KIRREL1: variants seen among roughly 807,000 people sequenced by gnomAD.
KIRREL1 encodes the protein kin of IRRE-like protein 1.
In KIRREL1, 25 loss-of-function variants were observed where a neutral mutation model predicts 83.3. The ratio of observed to expected loss-of-function variants is 0.30; its 90% CI spans 0.22 to 0.42. The LOEUF (loss-of-function observed/expected upper bound fraction) is 0.42. Among genes scored for constraint, KIRREL1 ranks in the 10% least tolerant of loss-of-function variants. The pLI is 1.00. For synonymous variants in KIRREL1, 388 were observed against 410.4 expected, an observed-to-expected ratio of 0.95 and a Z score of 0.66; for missense variants, 812 against 1,032.3, an observed-to-expected ratio of 0.79 and a Z score of 2.92.
intron 1 of KIRREL1, among the ~76,000 whole-genome samples, chr1:158,059,682 A>G (rs1300917867): frequency 6.6e-6 from 1 of 152,168 alleles, no homozygotes; most frequent in Non-Finnish European, 1.5e-5. Context: ...CAGTATGAGC[A>G]TCAGGGTAGG....
In KIRREL1 at chr1:158,088,186, G is replaced by T. The variant is rs201984495; in HGVS notation, c.916+32G>T. 9.3e-6 allele frequency: 15 copies of T among 1,614,026 alleles called. No homozygotes were observed. The Admixed American group carries it at 1.5e-4, about 16-fold the overall frequency. On this transcript the variant is annotated intron_variant, in intron 7 of 14. Transcript: ENST00000359209. ...AGCTGGGAGGGCAGGGACGGGGACA[G>T]AGAGCAGGGGCCCCCAAAGGGCCTT...
chr1:158,073,555 G>C (rs753081723), intron 1 of KIRREL1, among the ~76,000 whole-genome samples: 1 of 152,074 alleles, frequency 6.6e-6, no homozygotes, highest in Non-Finnish European at 1.5e-5. Flanking sequence ...CAAATAACTT[G>C]GCCAAGGTCA....
chr1:158,047,736 C>T (rs1660812306), intron 1 of KIRREL1, among the ~76,000 whole-genome samples: 1 of 152,092 alleles, frequency 6.6e-6, no homozygotes, highest in Admixed American at 6.6e-5. Context: ...GGAGCTGGGG[C>T]CAGAACCCGG....
In KIRREL1 at chr1:158,011,633, G is replaced by C. The variant is rs528739924; in HGVS notation, c.52+17905G>C. Among the ~76,000 whole-genome samples, 11 of 152,316 alleles carry C rather than the reference G, an allele frequency of 7.2e-5. No homozygotes were observed. In the South Asian group the frequency reaches 2.3e-3, roughly 32 times the overall value. Reference sequence around the variant, plus strand: ...CTGGTTGGCAGTGGGTGAAGCTCCTGGACACAGGTGGCTGGGAGATGGGAT... The same window carrying C: ...CTGGTTGGCAGTGGGTGAAGCTCCTCGACACAGGTGGCTGGGAGATGGGAT... On this transcript the variant is annotated intron_variant, in intron 1 of 14. Transcript: ENST00000359209.
intron 10 of KIRREL1, 95 bp from the exon 11 acceptor site, chr1:158,091,263 G>C (rs902046194): frequency 2.5e-5 from 29 of 1,142,072 alleles, no homozygotes; most frequent in Non-Finnish European, 3.2e-5. Context: ...GGCACATAGG[G>C]GTGAGGGTGC....
At chr1:158,002,199 T>A (rs1659379995) in intron 1 of KIRREL1, among the ~76,000 whole-genome samples, 1 of 152,208 alleles carries the variant, frequency 6.6e-6, no homozygotes, top group African/African-American at 2.4e-5. Flanking sequence ...TAAAGATGCC[T>A]GGAGGCAGAG....
Position 158,096,776 on chromosome 1 carries a change from A to G in KIRREL1, c.*1656A>G. ...CCCCAGCCTCGCCTTCCTAAAAAGCAGTGTCTGGAGTTGGCTGTTTCCCGC... is the reference window on the plus strand; with the variant it reads ...CCCCAGCCTCGCCTTCCTAAAAAGCGGTGTCTGGAGTTGGCTGTTTCCCGC... On this transcript the variant is annotated 3_prime_UTR_variant, in exon 15 of 15. Coordinates refer to ENST00000359209, the MANE Select transcript of KIRREL1 (RefSeq NM_018240.7). The G allele has an allele frequency of 2.2e-6, 1 of 456,718 alleles. No individual in the cohort carries two copies. Among genetic ancestry groups the G allele is most frequent in the Non-Finnish European group, 4.4e-6 (1 of 226,974 alleles). The allele number at this position is 456,718 out of a possible 1,614,324, so 28.3% of individuals were successfully genotyped here.
intron 1 of KIRREL1, among the ~76,000 whole-genome samples, chr1:158,062,995 C>T (rs1236153244): frequency 1.3e-5 from 2 of 152,206 alleles, no homozygotes; most frequent in African/African-American, 4.8e-5. Context: ...TATTTATGTG[C>T]CTGAAACCCA....
chr1:158,015,067 G>C (rs1571537295), intron 1 of KIRREL1, among the ~76,000 whole-genome samples: 2 of 152,156 alleles, frequency 1.3e-5, no homozygotes, highest in South Asian at 2.1e-4. Context: ...TTTTTTTATT[G>C]CCAAAGTACT....
At chr1:158,022,676 G>A (rs1216642188) in intron 1 of KIRREL1, among the ~76,000 whole-genome samples, 1 of 152,142 alleles carries the variant, frequency 6.6e-6, no homozygotes, top group East Asian at 1.9e-4. Context: ...TGAAATCCAG[G>A]CCCTGAGATT....
rs151008531 is a variant in KIRREL1 at position 158,032,750 on chromosome 1, G to A, written c.52+39022G>A. Among the ~76,000 whole-genome samples, 742 of 152,072 alleles carry A rather than the reference G, an allele frequency of 4.9e-3. 8 individuals carry two copies. Among genetic ancestry groups the A allele is most frequent in the African/African-American group, 0.017 (703 of 41,486 alleles). On this transcript the variant is annotated intron_variant, in intron 1 of 14. Transcript: ENST00000359209. ...ATAAATCATTCCCAGCCTGTGATGG[G>A]GAATCCCCACTTTCTTTTTCTTTTT...
chr1:158,045,087 G>A (rs1660739071), intron 1 of KIRREL1, among the ~76,000 whole-genome samples: 1 of 152,224 alleles, frequency 6.6e-6, no homozygotes, highest in Non-Finnish European at 1.5e-5. Flanking sequence ...GAACAGCAGA[G>A]GCAGAGGTCC....
intron 1 of KIRREL1, among the ~76,000 whole-genome samples, chr1:158,004,158 T>C (rs1240688502): frequency 6.6e-6 from 1 of 152,192 alleles, no homozygotes; most frequent in Non-Finnish European, 1.5e-5. Flanking sequence ...AATGATTACG[T>C]CTATCTTCTA....
At chr1:158,023,244 T>C (rs570354335) in intron 1 of KIRREL1, among the ~76,000 whole-genome samples, 11 of 152,296 alleles carry the variant, frequency 7.2e-5, no homozygotes, top group African/African-American at 2.6e-4. Context: ...TGCCTTATCA[T>C]TCTTGTCTAC....
chr1:158,077,909 G>A, intron 2 of KIRREL1, 82 bp from the exon 3 acceptor site: 1 of 1,492,318 alleles, frequency 6.7e-7, no homozygotes, highest in Non-Finnish European at 9.3e-7. Flanking sequence ...CCAGGAGAGG[G>A]CAGAGGGAGG....
At chr1:158,075,648 C>G (rs1225018866) in intron 1 of KIRREL1, among the ~76,000 whole-genome samples, 1 of 152,160 alleles carries the variant, frequency 6.6e-6, no homozygotes, top group East Asian at 1.9e-4. Flanking sequence ...ACATGACACG[C>G]GTCTAAGTAG....
At chr1:158,092,115 G>A (rs1571002688) in intron 11 of KIRREL1, among the ~76,000 whole-genome samples, 1 of 152,250 alleles carries the variant, frequency 6.6e-6, no homozygotes, top group East Asian at 1.9e-4. Context: ...AGTAAGTATG[G>A]GTTCCCCTAC....
chr1:158,026,948 T>C (rs1660189787), intron 1 of KIRREL1, among the ~76,000 whole-genome samples: 2 of 152,158 alleles, frequency 1.3e-5, no homozygotes, highest in African/African-American at 4.8e-5. Flanking sequence ...CAGCAAGCAA[T>C]CAGTCTTCCA....
rs113739469 is a variant in KIRREL1 at position 158,071,189 on chromosome 1, C to T, written c.53-4924C>T. Among the ~76,000 whole-genome samples the T allele has an allele frequency of 1.3e-4, 20 of 152,286 alleles. No homozygotes were observed. In the East Asian group the frequency reaches 2.3e-3, roughly 18 times the overall value. On this transcript the variant is annotated intron_variant, in intron 1 of 14. Transcript: ENST00000359209. ...TCTGGATTTCTGTCGGCCCGGCCTGCGTCTTTTCCACGCTGGGCTCTTTCC... is the reference window on the plus strand; with the variant it reads ...TCTGGATTTCTGTCGGCCCGGCCTGTGTCTTTTCCACGCTGGGCTCTTTCC...
Sources: allele counts gnomAD v4.1 joint callset (sites outside exome capture counted in the v4.1 genomes callset), GRCh38; gene constraint gnomAD v4.1.1; transcripts MANE v1.5; gene names NCBI Gene and HGNC (gene_info 2026-07-23, HGNC 2026-07-21).